Variants in ZNF362 observed in about 807,000 individuals in gnomAD.
ZNF362 encodes rotund homolog.
In ZNF362, 11 loss-of-function variants were observed where a neutral mutation model predicts 42.9. That is an observed-to-expected ratio of 0.26 (90% CI 0.16 to 0.42). ZNF362 has a LOEUF of 0.42. Ranked by LOEUF, ZNF362 falls within the 20% of genes least tolerant of loss-of-function variation. The probability of loss-of-function intolerance (pLI) is 1.00; values close to 1 mark genes in which losing one functional copy is unlikely to be tolerated. For missense variants in ZNF362, 362 were observed against 576.2 expected, an observed-to-expected ratio of 0.63 and a Z score of 3.81; for synonymous variants, 255 against 257.3, an observed-to-expected ratio of 0.99 and a Z score of 0.09.
At chr1:33,138,195 T>C in the ZNF362 span, among the ~76,000 whole-genome samples, 115 of 152,224 alleles carry the variant, frequency 7.6e-4, 1 homozygote, top group African/African-American at 2.6e-3. Flanking sequence ...GCAGGTTCCC[T>C]ACTCAGAATG....
At chr1:33,277,250 A>C (rs1645957736) in intron 4 of ZNF362, among the ~76,000 whole-genome samples, 1 of 152,254 alleles carries the variant, frequency 6.6e-6, no homozygotes, top group African/African-American at 2.4e-5. Flanking sequence ...GTTCACCTTA[A>C]TGTCTCTATT....
the ZNF362 span, among the ~76,000 whole-genome samples, chr1:33,128,358 C>T: frequency 2.0e-5 from 3 of 152,172 alleles, no homozygotes; most frequent in African/African-American, 7.2e-5. Flanking sequence ...GTTTGGGCAA[C>T]AGAGTGAGAC....
the ZNF362 span, among the ~76,000 whole-genome samples, chr1:33,187,304 G>A: frequency 1.3e-5 from 2 of 152,198 alleles, no homozygotes; most frequent in South Asian, 2.1e-4. Flanking sequence ...GGAATACATT[G>A]ACAGGTTTGA....
chr1:33,189,652 T>TATATATATATATATGTATATATATAC, the ZNF362 span, among the ~76,000 whole-genome samples: 1 of 20,564 alleles, frequency 4.9e-5, no homozygotes, highest in African/African-American at 9.6e-5. Context: ...TATATATATA[T>TATATATATATATATGTATATATATAC]ATATATATAT....
chr1:33,217,052 C>A, the ZNF362 span, among the ~76,000 whole-genome samples: 1 of 152,088 alleles, frequency 6.6e-6, no homozygotes, highest in Non-Finnish European at 1.5e-5. Flanking sequence ...CCATCCATCC[C>A]TTACAACCCA....
the ZNF362 span, among the ~76,000 whole-genome samples, chr1:33,246,452 C>G: frequency 1.3e-5 from 2 of 152,204 alleles, no homozygotes; most frequent in African/African-American, 2.4e-5. Context: ...CAGGCAGCAC[C>G]AATCGATGTT....
At chr1:33,245,544 T>C in the ZNF362 span, among the ~76,000 whole-genome samples, 1 of 152,296 alleles carries the variant, frequency 6.6e-6, no homozygotes, top group East Asian at 1.9e-4. Context: ...TTTGCATGTA[T>C]AATTAAGGAT....
chr1:33,250,883 G>GAAGAAGAAGAAGAAGAAGAAA, the ZNF362 span, among the ~76,000 whole-genome samples: 7 of 151,960 alleles, frequency 4.6e-5, no homozygotes, highest in Non-Finnish European at 1.0e-4. Flanking sequence ...AGAAGAAGAA[G>GAAGAAGAAGAAGAAGAAGAAA]AAGAAGAAGA....
At chr1:33,297,562 A>C (rs569747423) in intron 8 of ZNF362, among the ~76,000 whole-genome samples, 1 of 127,994 alleles carries the variant, frequency 7.8e-6, no homozygotes, top group East Asian at 2.4e-4. Flanking sequence ...ACCCAGGTGG[A>C]GTGCAGTGGC....
At chr1:33,295,382 A>AGATC in intron 8 of ZNF362, 77 bp downstream of exon 8, 1 of 1,529,906 alleles carries the variant, frequency 6.5e-7, no homozygotes, top group Non-Finnish European at 8.8e-7. Context: ...CCCCATTGTC[A>AGATC]GATCTGTGTC....
chr1:33,131,876 G>A, the ZNF362 span, among the ~76,000 whole-genome samples: 1 of 151,982 alleles, frequency 6.6e-6, no homozygotes, highest in Non-Finnish European at 1.5e-5. Flanking sequence ...TTAATGAAAG[G>A]TTTGTTTTTT....
chr1:33,136,113 CCCTTCCTTCCTTCCTT>C, the ZNF362 span, among the ~76,000 whole-genome samples: 1,938 of 103,570 alleles, frequency 0.019, 25 homozygotes, highest in Non-Finnish European at 0.024. Flanking sequence ...CAGGGGCCAG[CCCTTCCTTCCTTCCTT>C]CCTTCCTTCC....
the ZNF362 span, among the ~76,000 whole-genome samples, chr1:33,179,764 G>A: frequency 5.3e-5 from 8 of 152,142 alleles, no homozygotes; most frequent in African/African-American, 1.9e-4. Context: ...ACATGGGGCT[G>A]CTGGATTTAA....
At chr1:33,224,731 A>G in the ZNF362 span, among the ~76,000 whole-genome samples, 1 of 152,336 alleles carries the variant, frequency 6.6e-6, no homozygotes, top group African/African-American at 2.4e-5. Context: ...GGGCAGATGC[A>G]ATATTTGAAG....
intron 8 of ZNF362, among the ~76,000 whole-genome samples, chr1:33,296,304 T>C (rs942150748): frequency 5.9e-5 from 9 of 152,020 alleles, no homozygotes; most frequent in African/African-American, 2.2e-4. Flanking sequence ...AGCCAAAAAA[T>C]GTCTTCAGGG....
chr1:33,139,016 G>T, the ZNF362 span, among the ~76,000 whole-genome samples: 41 of 152,300 alleles, frequency 2.7e-4, no homozygotes, highest in East Asian at 4.8e-3. Flanking sequence ...TGCAAGACTC[G>T]CACTGACTGT....
chr1:33,271,084 C>G (rs1645899884), intron 2 of ZNF362, among the ~76,000 whole-genome samples: 1 of 152,196 alleles, frequency 6.6e-6, no homozygotes, highest in Non-Finnish European at 1.5e-5. Flanking sequence ...CCTGTCCTTT[C>G]TAGTCCCCTC....
chr1:33,174,407 C>A, the ZNF362 span, among the ~76,000 whole-genome samples: 1 of 152,272 alleles, frequency 6.6e-6, no homozygotes, highest in African/African-American at 2.4e-5. Flanking sequence ...TGGTCTCGAA[C>A]TTCTGGGCTC....
chr1:33,234,539 C>A, the ZNF362 span, among the ~76,000 whole-genome samples: 1 of 152,260 alleles, frequency 6.6e-6, no homozygotes, highest in East Asian at 1.9e-4. Context: ...CATCCAGGGG[C>A]CTTTGAACTC....
Sources: allele counts gnomAD v4.1 joint callset (sites outside exome capture counted in the v4.1 genomes callset), GRCh38; gene constraint gnomAD v4.1.1; transcripts MANE v1.5; gene names NCBI Gene and HGNC (gene_info 2026-07-23, HGNC 2026-07-21).